Variants in SCNN1B observed in about 807,000 individuals in gnomAD.
The protein encoded by SCNN1B is epithelial sodium channel subunit beta.
Under a neutral mutation model 65.3 loss-of-function variants are expected in SCNN1B, and 46 were observed. That is an observed-to-expected ratio of 0.70 (90% confidence interval 0.56 to 0.90). The LOEUF (loss-of-function observed/expected upper bound fraction) is 0.90, where lower values mean the gene tolerates loss of function less well. SCNN1B is among the 40% of genes least tolerant of loss of function. The probability of loss-of-function intolerance (pLI) is 0.00; values close to 1 mark genes in which losing one functional copy is unlikely to be tolerated. For synonymous variants in SCNN1B, 349 were observed against 330.6 expected, an observed-to-expected ratio of 1.06 and a Z score of -0.60; for missense variants, 751 against 830.5, an observed-to-expected ratio of 0.90 and a Z score of 1.18.
Position 23,307,145 on chromosome 16 carries a change from CT to C in SCNN1B, c.-9+4709del, listed in dbSNP as rs546626897. On this transcript the variant is annotated intron_variant, in intron 1 of 12. Coordinates refer to ENST00000343070, the MANE Select transcript of SCNN1B (RefSeq NM_000336.3). ...CCCTTGCTGAGCCTCAGTTTTCTCA[CT>C]GTAAAGTGGAACTAGTACTAAAAAA... Among the ~76,000 whole-genome samples the C allele has an allele frequency of 1.4e-4, 21 of 152,242 alleles. No homozygotes were observed. In the East Asian group the frequency reaches 3.3e-3, roughly 24 times the overall value.
intron 1 of SCNN1B, among the ~76,000 whole-genome samples, chr16:23,335,049 G>C (rs1313057828): frequency 6.6e-6 from 1 of 151,766 alleles, no homozygotes; most frequent in Non-Finnish European, 1.5e-5. Context: ...TCTCTTTCCT[G>C]TGGACATGTA....
Position 23,380,074 on chromosome 16 carries a change from C to G in SCNN1B, c.1467-20C>G. ...GAAGGGGGATACATTAGTCCCGGCC[C>G]TTCTCGCTGCCTCCTGCAGGAAGGG... On this transcript the variant is annotated intron_variant, in intron 11 of 12. Transcript: ENST00000343070. The surrounding 1 kb of genome is among the most constrained non-coding windows in gnomAD (Gnocchi z 5.4). 23 of 1,606,712 alleles carry G rather than the reference C, an allele frequency of 1.4e-5. No individual in the cohort carries two copies. Among genetic ancestry groups the G allele is most frequent in the Non-Finnish European group, 2.0e-5 (23 of 1,173,312 alleles).
At chr16:23,346,200 C>CT (rs753802362) in intron 1 of SCNN1B, among the ~76,000 whole-genome samples, 3,380 of 77,724 alleles carry the variant, frequency 0.043, 537 homozygotes, top group Non-Finnish European at 0.059. Context: ...TTTTCCTTTT[C>CT]TTTTTTTTTT....
chr16:23,306,040 C>T (rs959544842), intron 1 of SCNN1B, among the ~76,000 whole-genome samples: 4 of 152,060 alleles, frequency 2.6e-5, no homozygotes, highest in African/African-American at 4.8e-5. Flanking sequence ...TTCAGGCGTT[C>T]GAGACCAGCC....
At chr16:23,296,469 T>C (rs1292162886) in intron 2 of SCNN1B, among the ~76,000 whole-genome samples, 1 of 152,230 alleles carries the variant, frequency 6.6e-6, no homozygotes, top group Non-Finnish European at 1.5e-5. Flanking sequence ...TTTGCAACTG[T>C]GCAGTTTAGC....
intron 1 of SCNN1B, among the ~76,000 whole-genome samples, chr16:23,308,296 G>A (rs192624609): frequency 1.1e-4 from 17 of 152,326 alleles, no homozygotes; most frequent in Admixed American, 1.1e-3. Flanking sequence ...GCTGAGGTGA[G>A]AGGATCAATT....
At chr16:23,293,931 G>T (rs1230956375) in intron 2 of SCNN1B, among the ~76,000 whole-genome samples, 1 of 151,866 alleles carries the variant, frequency 6.6e-6, no homozygotes, top group Admixed American at 6.6e-5. Flanking sequence ...CTTAAAAAAA[G>T]AAAAATGGTT....
intron 4 of SCNN1B, among the ~76,000 whole-genome samples, chr16:23,365,565 A>C (rs1424286575): frequency 1.2e-5 from 1 of 82,500 alleles, no homozygotes; most frequent in Non-Finnish European, 2.1e-5. Flanking sequence ...AAGAGAAAGA[A>C]AGAAAGAAAG....
chr16:23,297,919 C>T (rs188976423), upstream of SCNN1B, among the ~76,000 whole-genome samples: 19 of 152,244 alleles, frequency 1.2e-4, no homozygotes, highest in African/African-American at 4.6e-4. Context: ...AACTCTCCCA[C>T]ACCCCCAAAA....
At chr16:23,362,514 C>T (rs984266637) in intron 4 of SCNN1B, among the ~76,000 whole-genome samples, 2 of 152,160 alleles carry the variant, frequency 1.3e-5, no homozygotes, top group African/African-American at 4.8e-5. Context: ...TGCTAGGATG[C>T]TCTATTTCCC....
At chr16:23,344,604 C>A (rs1443891112) in intron 1 of SCNN1B, among the ~76,000 whole-genome samples, 2 of 152,180 alleles carry the variant, frequency 1.3e-5, no homozygotes, top group East Asian at 1.9e-4. Context: ...AGGGAATAGA[C>A]CTTCTGGGGA....
At chr16:23,375,906 G>A (rs377108393) in intron 8 of SCNN1B, 51 bp downstream of exon 8, 28 of 1,261,606 alleles carry the variant, frequency 2.2e-5, no homozygotes, top group African/African-American at 1.3e-4. Flanking sequence ...GGCCACAGAG[G>A]CTCTGACCAT....
intron 4 of SCNN1B, among the ~76,000 whole-genome samples, chr16:23,363,047 C>A (rs565043395): frequency 6.6e-6 from 1 of 152,324 alleles, no homozygotes; most frequent in East Asian, 1.9e-4. Flanking sequence ...CTCAGGCCTC[C>A]CCTCCTCCAG....
At position 23,380,371 on chromosome 16, in the gene SCNN1B, G is replaced by A; in HGVS notation, c.1543-50G>A. 1.2e-6 allele frequency: 2 copies of A among 1,613,282 alleles called. No individual in the cohort carries two copies. Among genetic ancestry groups the A allele is most frequent in the South Asian group, 2.2e-5 (2 of 91,048 alleles). On this transcript the variant is annotated intron_variant, in intron 12 of 12. Coordinates refer to ENST00000343070, the MANE Select transcript of SCNN1B (RefSeq NM_000336.3). This position sits in a 1 kb window ranked among gnomAD's most constrained non-coding sequence, Gnocchi z 5.4. ...CCCAGGAAGCTGTGAGGCTGGGCTA[G>A]AGGCAAGAATGTGTGGCCTGAGCTC...
chr16:23,357,573 A>G (rs1488809201), intron 4 of SCNN1B, among the ~76,000 whole-genome samples: 2 of 152,132 alleles, frequency 1.3e-5, no homozygotes, highest in African/African-American at 4.8e-5. Flanking sequence ...GCAGAGTGAG[A>G]CTCTGTATTA....
chr16:23,315,876 A>G (rs1051218319), intron 1 of SCNN1B, among the ~76,000 whole-genome samples: 10 of 152,076 alleles, frequency 6.6e-5, no homozygotes, highest in African/African-American at 2.2e-4. Flanking sequence ...TAATAACCCT[A>G]TCAAGTAGGT....
At chr16:23,281,126 A>G (rs1960777971) in intron 1 of SCNN1B, among the ~76,000 whole-genome samples, 1 of 152,230 alleles carries the variant, frequency 6.6e-6, no homozygotes, top group Non-Finnish European at 1.5e-5. Context: ...AGTAATAGCC[A>G]TTCCATAAAG....
intron 2 of SCNN1B, among the ~76,000 whole-genome samples, chr16:23,296,986 A>G: frequency 7.0e-6 from 1 of 142,110 alleles, no homozygotes; most frequent in Non-Finnish European, 1.5e-5. Flanking sequence ...ACTCCATCTC[A>G]AAACAAAAAA....
At chr16:23,343,581 GAGAAAGAA>G (rs200738425) in intron 1 of SCNN1B, among the ~76,000 whole-genome samples, 7,397 of 70,098 alleles carry the variant, frequency 0.11, 514 homozygotes, top group Admixed American at 0.14. Context: ...GAAAGAAAAA[GAGAAAGAA>G]AGAAAGAAAG....
Sources: gnomAD v4.1 joint callset for allele counts (sites outside exome capture counted in the v4.1 genomes callset) on GRCh38, gnomAD v4.1.1 for gene constraint, Gnocchi (gnomAD v3.1) non-coding constraint, MANE v1.5 for transcripts, NCBI Gene and HGNC (gene_info 2026-07-23, HGNC 2026-07-21) for gene names.